The following SCOC variants were observed in gnomAD, a reference collection of about 807,000 sequenced individuals.
SCOC encodes short coiled coil protein.
In SCOC, 7 loss-of-function variants were observed where a neutral mutation model predicts 9.9. The observed-to-expected ratio is 0.71, with a 90% CI of 0.40 to 1.33. The LOEUF is 1.33. Ranked by LOEUF, SCOC falls within the 40% of genes most tolerant of loss-of-function variation. The pLI, the probability that SCOC is intolerant of heterozygous loss-of-function variation, is 0.01. For synonymous variants in SCOC, 19 were observed against 28.2 expected (o/e 0.67, Z 1.03); for missense variants, 66 against 89.7 (o/e 0.74, Z 1.07).
intron 1 of SCOC, among the ~76,000 whole-genome samples, chr4:140,311,432 A>G (rs1318620412): frequency 6.6e-6 from 1 of 152,200 alleles, no homozygotes; most frequent in Admixed American, 6.5e-5. Flanking sequence ...TCATGCAATT[A>G]GCATTATCCA....
intron 2 of SCOC, among the ~76,000 whole-genome samples, chr4:140,357,209 A>G (rs907700358): frequency 1.3e-5 from 2 of 152,098 alleles, no homozygotes; most frequent in Non-Finnish European, 2.9e-5. Context: ...CCTGACCTCA[A>G]GTGGTCTGCC....
At chr4:140,366,777 T>C in intron 2 of SCOC, 1 of 1,395,006 alleles carries the variant, frequency 7.2e-7, no homozygotes, top group Non-Finnish European at 1.0e-6. Context: ...CAATAACATC[T>C]ACAGTTGCAA....
At chr4:140,373,856 C>T (rs551933490) in intron 1 of SCOC, 139 bp downstream of exon 1, 3 of 960,886 alleles carry the variant, frequency 3.1e-6, no homozygotes, top group African/African-American at 3.2e-5. Flanking sequence ...GGTCTCGGGC[C>T]TGGGCATTTG....
intron 1 of SCOC, among the ~76,000 whole-genome samples, chr4:140,259,985 C>G (rs1448032485): frequency 1.3e-5 from 2 of 152,206 alleles, no homozygotes; most frequent in Admixed American, 1.3e-4. Flanking sequence ...AATCCTCCCC[C>G]ATTCCTTGAG....
At chr4:140,289,043 A>G (rs1287055023) in intron 1 of SCOC, among the ~76,000 whole-genome samples, 2 of 152,080 alleles carry the variant, frequency 1.3e-5, no homozygotes, top group Non-Finnish European at 2.9e-5. Context: ...ACTACACAAC[A>G]TACATGACCT....
upstream of SCOC, chr4:140,369,480 A>C (rs1333128121): frequency 3.8e-6 from 1 of 262,586 alleles, no homozygotes; most frequent in Non-Finnish European, 7.9e-6. Flanking sequence ...AAAGTTATCA[A>C]AAATGCTTCC....
At chr4:140,285,164 G>A (rs1212592273) in intron 1 of SCOC, 1 of 456,452 alleles carries the variant, frequency 2.2e-6, no homozygotes, top group African/African-American at 2.0e-5. Context: ...ACAGGAGTTG[G>A]GTCCCAAGGT....
At position 140,315,857 on chromosome 4, in the gene SCOC, C is replaced by T. The variant is rs564761986; in HGVS notation, c.-18-27764C>T. Among the ~76,000 whole-genome samples the T allele has an allele frequency of 2.6e-5, 4 of 152,206 alleles. No individual in the cohort carries two copies. In the South Asian group the frequency reaches 8.3e-4, roughly 32 times the overall value. On this transcript the variant is annotated intron_variant, in intron 1 of 4. Coordinates refer to the SCOC transcript ENST00000394205. ...TTCCACCCAGGGGAGAGAAGATGTG[C>T]TATCATATGATTTTATTAGACAAGA...
At chr4:140,258,970 G>A (rs181614555) in intron 1 of SCOC, among the ~76,000 whole-genome samples, 3 of 152,292 alleles carry the variant, frequency 2.0e-5, no homozygotes, top group Admixed American at 6.5e-5. Flanking sequence ...ATGACTTACC[G>A]CTGAACAATG....
At chr4:140,263,167 A>G (rs1730668054) in intron 1 of SCOC, among the ~76,000 whole-genome samples, 1 of 152,218 alleles carries the variant, frequency 6.6e-6, no homozygotes, top group Non-Finnish European at 1.5e-5. Flanking sequence ...GCTGGATGTC[A>G]TCCTTGGAGG....
At chr4:140,272,338 A>G (rs1479808395) in intron 1 of SCOC, among the ~76,000 whole-genome samples, 1 of 151,934 alleles carries the variant, frequency 6.6e-6, no homozygotes, top group Non-Finnish European at 1.5e-5. Context: ...TACAGGCGTT[A>G]GCCACTGCGC....
chr4:140,379,601 G>A lies in SCOC; in HGVS notation c.55G>A (p.Glu19Lys), dbSNP rs879224286. 1 of 1,612,596 alleles carries A rather than the reference G, an allele frequency of 6.2e-7. No homozygotes were observed. Residue 19 changes from glutamate to lysine, a missense_variant, in exon 3 of 4, where the codon GAA (glutamate) becomes AAA (lysine). Coordinates refer to ENST00000608372, the MANE Select transcript of SCOC (RefSeq NM_001153484.2). ...TGCTGAAAATCAAGTGGAACTGGAGGAAAAAACAAGACTTATTAATCAAGT... is the reference window on the plus strand; with the variant it reads ...TGCTGAAAATCAAGTGGAACTGGAGAAAAAAACAAGACTTATTAATCAAGT... ...VDAENQVELE[E>K]KTRLINQVLE... is the part of the protein sequence containing the mutation.
intron 1 of SCOC, among the ~76,000 whole-genome samples, chr4:140,262,243 G>A (rs1730648649): frequency 6.6e-6 from 1 of 152,140 alleles, no homozygotes; most frequent in South Asian, 2.1e-4. Flanking sequence ...GGAAAAAAAT[G>A]GAAGGAACTA....
At chr4:140,340,926 G>A (rs1475338268), upstream of SCOC, among the ~76,000 whole-genome samples, 2 of 151,092 alleles carry the variant, frequency 1.3e-5, no homozygotes, top group Non-Finnish European at 2.9e-5. Flanking sequence ...TGAGTAGCTG[G>A]GATTACAGGC....
At chr4:140,300,548 A>G (rs1471148594) in intron 1 of SCOC, among the ~76,000 whole-genome samples, 1 of 152,214 alleles carries the variant, frequency 6.6e-6, no homozygotes, top group African/African-American at 2.4e-5. Flanking sequence ...AGCACTGGAG[A>G]GAAAGCTGGG....
chr4:140,271,066 G>A (rs563185469), intron 1 of SCOC, among the ~76,000 whole-genome samples: 5 of 152,268 alleles, frequency 3.3e-5, no homozygotes, highest in African/African-American at 1.2e-4. Context: ...AATTTACAGA[G>A]CAAATGAGGA....
intron 1 of SCOC, among the ~76,000 whole-genome samples, chr4:140,378,904 G>A (rs370092091): frequency 2.6e-5 from 4 of 151,862 alleles, no homozygotes; most frequent in South Asian, 2.1e-4. Context: ...ATAACTGTAC[G>A]GTGGTATTTA....
At chr4:140,343,820 A>G in intron 2 of SCOC, 1 of 634,682 alleles carries the variant, frequency 1.6e-6, no homozygotes, top group Non-Finnish European at 2.5e-6. Flanking sequence ...CATTGTAGAA[A>G]ACTTGAAAAA....
intron 1 of SCOC, among the ~76,000 whole-genome samples, chr4:140,279,059 C>T (rs146581487): frequency 2.6e-5 from 4 of 152,190 alleles, no homozygotes; most frequent in Non-Finnish European, 5.9e-5. Context: ...TCTCCCTGTT[C>T]CTCTGCACTT....
Sources: gnomAD v4.1 joint callset for allele counts (sites outside exome capture counted in the v4.1 genomes callset) on GRCh38, gnomAD v4.1.1 for gene constraint, MANE v1.5 for transcripts, NCBI Gene and HGNC (gene_info 2026-07-23, HGNC 2026-07-21) for gene names.